The following DAB1 variants were observed in gnomAD, a reference collection of about 807,000 sequenced individuals.
The protein encoded by DAB1 is disabled homolog 1.
A neutral mutation model predicts 64.6 loss-of-function variants in DAB1; 15 were observed. The observed-to-expected ratio is 0.23, with a 90% CI of 0.16 to 0.36. The LOEUF (loss-of-function observed/expected upper bound fraction) is 0.36, where lower values mean the gene tolerates loss of function less well. Ranked by LOEUF, DAB1 falls within the 10% of genes least tolerant of loss-of-function variation. DAB1 has a pLI of 1.00. For synonymous variants in DAB1, 235 were observed against 251.9 expected (o/e 0.93, Z 0.64); for missense variants, 596 against 706.7 (o/e 0.84, Z 1.78).
intron 5 of DAB1, among the ~76,000 whole-genome samples, chr1:58,020,755 A>G (rs1450004049): frequency 1.3e-5 from 2 of 152,108 alleles, no homozygotes. Flanking sequence ...TGTAATCCCA[A>G]TGTTTTGGGG....
intron 7 of DAB1, among the ~76,000 whole-genome samples, chr1:57,576,661 T>C (rs1205931234): frequency 1.3e-5 from 2 of 152,214 alleles, no homozygotes; most frequent in South Asian, 2.1e-4. Context: ...TAGATTTCTG[T>C]TGTTTTAAGA....
At chr1:57,394,020 T>G (rs1682608202) in intron 1 of DAB1, among the ~76,000 whole-genome samples, 1 of 152,222 alleles carries the variant, frequency 6.6e-6, no homozygotes, top group South Asian at 2.1e-4. Context: ...CTTTCCTGCT[T>G]TGGTCACTAG....
chr1:57,722,131 T>C (rs1270364675), intron 6 of DAB1, among the ~76,000 whole-genome samples: 1 of 152,150 alleles, frequency 6.6e-6, no homozygotes, highest in Non-Finnish European at 1.5e-5. Context: ...CTCAAAAGAA[T>C]AGGCACAACA....
intron 9 of DAB1, chr1:57,033,267 T>A: frequency 1.9e-6 from 2 of 1,052,626 alleles, no homozygotes; most frequent in African/African-American, 3.1e-5. Context: ...TTTGAATAGG[T>A]ACCTACTAGA....
intron 7 of DAB1, among the ~76,000 whole-genome samples, chr1:57,533,538 G>GCTATATATATAT (rs1558468342): frequency 1.6e-5 from 1 of 63,118 alleles, no homozygotes; most frequent in African/African-American, 6.2e-5. Flanking sequence ...ATTCATAACA[G>GCTATATATATAT]GTATATATAT....
intron 7 of DAB1, among the ~76,000 whole-genome samples, chr1:57,435,727 A>G (rs1685670063): frequency 6.6e-6 from 1 of 152,144 alleles, no homozygotes; most frequent in Non-Finnish European, 1.5e-5. Context: ...TGTCTTCTTC[A>G]GGAATGCCTC....
At chr1:57,762,049 T>A (rs1355939129) in intron 6 of DAB1, among the ~76,000 whole-genome samples, 4 of 152,136 alleles carry the variant, frequency 2.6e-5, no homozygotes, top group Non-Finnish European at 5.9e-5. Context: ...ACCTATTAAA[T>A]CTCTGATCTC....
chr1:58,046,648 G>A (rs1440847919), intron 5 of DAB1, among the ~76,000 whole-genome samples: 3 of 152,092 alleles, frequency 2.0e-5, no homozygotes, highest in Non-Finnish European at 2.9e-5. Context: ...AATTTTAATT[G>A]GTTACTGTCC....
intron 5 of DAB1, among the ~76,000 whole-genome samples, chr1:57,959,940 C>T (rs1645478140): frequency 6.6e-6 from 1 of 152,174 alleles, no homozygotes; most frequent in Admixed American, 6.5e-5. Context: ...ACTCTTCTTT[C>T]TCCTCTCTCT....
chr1:57,272,854 C>T (rs1671121136), intron 2 of DAB1, among the ~76,000 whole-genome samples: 1 of 152,088 alleles, frequency 6.6e-6, no homozygotes, highest in African/African-American at 2.4e-5. Context: ...CAGTAGGGGT[C>T]AGGATAGGCT....
intron 3 of DAB1, among the ~76,000 whole-genome samples, chr1:57,141,119 A>C (rs1314165301): frequency 1.3e-5 from 2 of 152,208 alleles, no homozygotes; most frequent in Non-Finnish European, 2.9e-5. Flanking sequence ...TCCATTCTCC[A>C]TTCTCAGTTC....
At chr1:57,720,025 TG>T (rs1647132184) in intron 6 of DAB1, among the ~76,000 whole-genome samples, 1 of 152,230 alleles carries the variant, frequency 6.6e-6, no homozygotes. Context: ...TAGGCTTCAA[TG>T]GTTTCTCTGA....
intron 1 of DAB1, among the ~76,000 whole-genome samples, chr1:57,877,544 TA>T (rs754180164): frequency 6.5e-5 from 5 of 76,388 alleles, no homozygotes; most frequent in South Asian, 7.0e-4. Flanking sequence ...CTAATTGATT[TA>T]TTTTTTTTTT....
At chr1:57,174,823 C>T (rs1035497220) in intron 2 of DAB1, among the ~76,000 whole-genome samples, 1 of 152,130 alleles carries the variant, frequency 6.6e-6, no homozygotes, top group East Asian at 1.9e-4. Context: ...TCATACACTT[C>T]TGTTCCCAAA....
At chr1:57,307,834 T>C (rs1397924527) in intron 1 of DAB1, among the ~76,000 whole-genome samples, 1 of 151,916 alleles carries the variant, frequency 6.6e-6, no homozygotes, top group African/African-American at 2.4e-5. Context: ...GTCAATTCAA[T>C]CTAGACCACA....
At chr1:57,456,282 G>C (rs954011429) in intron 7 of DAB1, among the ~76,000 whole-genome samples, 2 of 152,086 alleles carry the variant, frequency 1.3e-5, no homozygotes, top group African/African-American at 4.8e-5. Flanking sequence ...AGCTGCCAAT[G>C]GTTACTCAGT....
chr1:57,095,249 G>A (rs996822679), intron 4 of DAB1, among the ~76,000 whole-genome samples: 1 of 152,182 alleles, frequency 6.6e-6, no homozygotes, highest in African/African-American at 2.4e-5. Flanking sequence ...CCCACTGAGT[G>A]AGGCAAGCGC....
intron 6 of DAB1, among the ~76,000 whole-genome samples, chr1:57,710,277 G>C (rs1410052788): frequency 2.6e-5 from 4 of 152,050 alleles, no homozygotes; most frequent in Non-Finnish European, 4.4e-5. Flanking sequence ...TAGGTTTTCT[G>C]CTTACTTCTG....
In DAB1 at chr1:57,107,598, C is replaced by A. The variant is rs150716484; in HGVS notation, c.306+28945G>T. On this transcript the variant is annotated intron_variant, in intron 4 of 14. Transcript: ENST00000371236. Reference sequence around the variant, plus strand: ...AACAACTGTGGAAAAAAGCTTGGATCAGTCCAGACCAGAACTGAGGACCAA... The same window carrying A: ...AACAACTGTGGAAAAAAGCTTGGATAAGTCCAGACCAGAACTGAGGACCAA... Among the ~76,000 whole-genome samples the A allele has an allele frequency of 6.0e-3, 905 of 152,098 alleles. 15 individuals are homozygous for A. The highest frequency in any genetic ancestry group is 0.021 in the African/African-American group (855 of 41,480).
Sources: gnomAD v4.1 joint callset for allele counts (sites outside exome capture counted in the v4.1 genomes callset) on GRCh38, gnomAD v4.1.1 for gene constraint, MANE v1.5 for transcripts, NCBI Gene and HGNC (gene_info 2026-07-23, HGNC 2026-07-21) for gene names.